Variants in KCNIP4 observed in about 807,000 individuals in gnomAD.
The protein encoded by KCNIP4 is potassium voltage-gated channel interacting protein 4.
A neutral mutation model predicts 34.0 loss-of-function variants in KCNIP4; 12 were observed. The ratio of observed to expected loss-of-function variants is 0.35; its 90% confidence interval spans 0.23 to 0.57. KCNIP4 has a LOEUF of 0.57. Ranked by LOEUF, KCNIP4 falls within the 20% of genes least tolerant of loss-of-function variation. The pLI is 0.83. For missense variants in KCNIP4, 238 were observed against 311.7 expected (o/e 0.76, Z 1.78); for synonymous variants, 124 against 102.2 (o/e 1.21, Z -1.29).
At chr4:21,785,383 G>A (rs62302890) in intron 1 of KCNIP4, among the ~76,000 whole-genome samples, 8 of 151,952 alleles carry the variant, frequency 5.3e-5, no homozygotes, top group Non-Finnish European at 1.0e-4. Flanking sequence ...TTGAGGTCAG[G>A]AGTTTGAGAC....
chr4:21,312,729 A>G (rs1216171869), intron 1 of KCNIP4, among the ~76,000 whole-genome samples: 1 of 152,208 alleles, frequency 6.6e-6, no homozygotes, highest in Non-Finnish European at 1.5e-5. Flanking sequence ...CATTCATGAC[A>G]ACTTTCTCTC....
At chr4:20,778,848 T>C (rs970904033) in intron 3 of KCNIP4, among the ~76,000 whole-genome samples, 1 of 152,132 alleles carries the variant, frequency 6.6e-6, no homozygotes, top group Non-Finnish European at 1.5e-5. Context: ...GACTTGCCAA[T>C]AGTTAGAGAG....
intron 1 of KCNIP4, among the ~76,000 whole-genome samples, chr4:20,896,993 A>C (rs1726613849): frequency 1.3e-5 from 2 of 151,778 alleles, no homozygotes; most frequent in South Asian, 4.2e-4. Flanking sequence ...TCCACCACAC[A>C]CTACCATGGA....
At chr4:21,548,701 GC>G (rs1170256564) in intron 1 of KCNIP4, among the ~76,000 whole-genome samples, 1 of 151,862 alleles carries the variant, frequency 6.6e-6, no homozygotes, top group Non-Finnish European at 1.5e-5. Context: ...GATCACAAGA[GC>G]CAATTACTTG....
chr4:21,277,384 A>G (rs1192265213), intron 1 of KCNIP4, among the ~76,000 whole-genome samples: 1 of 152,222 alleles, frequency 6.6e-6, no homozygotes, highest in Non-Finnish European at 1.5e-5. Context: ...CTACAGATTC[A>G]GTGCAGGAAA....
At chr4:20,746,931 A>G (rs1023538154) in intron 5 of KCNIP4, among the ~76,000 whole-genome samples, 3 of 152,126 alleles carry the variant, frequency 2.0e-5, no homozygotes, top group Non-Finnish European at 2.9e-5. Flanking sequence ...TTCCCTAACC[A>G]TTTCTATTTT....
intron 1 of KCNIP4, among the ~76,000 whole-genome samples, chr4:21,269,681 C>G (rs1274525836): frequency 3.3e-5 from 5 of 152,144 alleles, no homozygotes; most frequent in Admixed American, 6.5e-5. Context: ...AGGCATGAGC[C>G]ACTGCGCCCG....
chr4:21,405,725 T>C lies in KCNIP4; in HGVS notation c.62-523016A>G, dbSNP rs557240370. On this transcript the variant is annotated intron_variant, in intron 1 of 8. Coordinates refer to ENST00000382152, the MANE Select transcript of KCNIP4 (RefSeq NM_025221.6). ...ATTTCTGTTAGTCCAAGTATTAGCT[T>C]CAAATATGTAAACTGCATATAGTTT... Among the ~76,000 whole-genome samples, 42 of 152,364 alleles carry C rather than the reference T, an allele frequency of 2.8e-4. 1 individual carries two copies. In the South Asian group the frequency reaches 7.7e-3, roughly 28 times the overall value.
intron 1 of KCNIP4, among the ~76,000 whole-genome samples, chr4:21,773,218 T>C (rs1418293962): frequency 1.3e-5 from 2 of 152,040 alleles, no homozygotes; most frequent in African/African-American, 2.4e-5. Flanking sequence ...CCATGAAATT[T>C]TGTGGTTTTG....
intron 1 of KCNIP4, among the ~76,000 whole-genome samples, chr4:21,234,447 T>C (rs200016988): frequency 3.1e-5 from 4 of 130,418 alleles, no homozygotes; most frequent in Non-Finnish European, 4.6e-5. Flanking sequence ...GTATATAATA[T>C]ATATTACATA....
intron 1 of KCNIP4, among the ~76,000 whole-genome samples, chr4:21,268,571 C>T (rs1761956349): frequency 6.6e-6 from 1 of 152,158 alleles, no homozygotes; most frequent in African/African-American, 2.4e-5. Flanking sequence ...TTGAGGGAGG[C>T]AGAGGAGGGG....
At chr4:21,700,746 T>C (rs540325177) in intron 1 of KCNIP4, among the ~76,000 whole-genome samples, 1 of 152,264 alleles carries the variant, frequency 6.6e-6, no homozygotes, top group Admixed American at 6.5e-5. Context: ...TTTAAGTATT[T>C]AATCTATTTT....
At chr4:21,000,849 T>C (rs1276918471) in intron 1 of KCNIP4, among the ~76,000 whole-genome samples, 2 of 152,200 alleles carry the variant, frequency 1.3e-5, no homozygotes, top group Non-Finnish European at 2.9e-5. Context: ...CTCAGGGATA[T>C]TGCACTTGCA....
intron 1 of KCNIP4, among the ~76,000 whole-genome samples, chr4:21,743,187 T>C (rs1716535097): frequency 6.6e-6 from 1 of 152,064 alleles, no homozygotes; most frequent in South Asian, 2.1e-4. Context: ...AGGTCTGGAG[T>C]TCAGAAGTAC....
At chr4:21,247,865 TACAC>T (rs546614225) in intron 1 of KCNIP4, among the ~76,000 whole-genome samples, 23 of 122,426 alleles carry the variant, frequency 1.9e-4, no homozygotes, top group East Asian at 1.4e-3. Flanking sequence ...TATATATATA[TACAC>T]ACACACACAC....
At chr4:21,511,056 AAATAAT>A (rs1438766469) in intron 1 of KCNIP4, among the ~76,000 whole-genome samples, 9 of 151,886 alleles carry the variant, frequency 5.9e-5, no homozygotes, top group African/African-American at 2.2e-4. Flanking sequence ...AAATAAAATA[AAATAAT>A]AATAATAAAT....
intron 1 of KCNIP4, among the ~76,000 whole-genome samples, chr4:21,641,859 G>T (rs1746640149): frequency 6.6e-6 from 1 of 152,150 alleles, no homozygotes; most frequent in Non-Finnish European, 1.5e-5. Context: ...AGCCACTGCT[G>T]AGTGCCCAAT....
At chr4:21,804,511 A>C (rs1721183486) in intron 1 of KCNIP4, among the ~76,000 whole-genome samples, 1 of 152,224 alleles carries the variant, frequency 6.6e-6, no homozygotes, top group African/African-American at 2.4e-5. Context: ...ACTTGGTTGT[A>C]GAAGTCATTC....
intron 1 of KCNIP4, among the ~76,000 whole-genome samples, chr4:21,401,679 T>C (rs879331183): frequency 6.6e-5 from 10 of 152,210 alleles, no homozygotes; most frequent in Non-Finnish European, 1.3e-4. Context: ...TGCAATGAGA[T>C]GTACAGTGTA....
Sources: allele counts gnomAD v4.1 joint callset (sites outside exome capture counted in the v4.1 genomes callset), GRCh38; gene constraint gnomAD v4.1.1; transcripts MANE v1.5; gene names NCBI Gene and HGNC (gene_info 2026-07-23, HGNC 2026-07-21).